The following COL12A1 variants were observed in gnomAD, a reference collection of about 807,000 sequenced individuals.
COL12A1 encodes collagen alpha-1(XII) chain.
Under a neutral mutation model 349.7 loss-of-function variants are expected in COL12A1, and 114 were observed. The observed-to-expected ratio is 0.33, with a 90% CI of 0.28 to 0.38. The LOEUF (loss-of-function observed/expected upper bound fraction) is 0.38. Among genes scored for constraint, COL12A1 ranks in the 10% least tolerant of loss-of-function variants. The pLI is 1.00. For missense variants in COL12A1, 3,284 were observed against 3,756.9 expected (o/e 0.87, Z 3.29); for synonymous variants, 1,369 against 1,329.0 (o/e 1.03, Z -0.66).
intron 39 of COL12A1, among the ~76,000 whole-genome samples, chr6:75,126,132 A>C (rs1339840031): frequency 6.6e-6 from 1 of 152,088 alleles, no homozygotes; most frequent in Admixed American, 6.6e-5. Flanking sequence ...CTTTTTAATC[A>C]TGACATTTAA....
At chr6:75,175,491 G>T (rs1414473300) in intron 12 of COL12A1, among the ~76,000 whole-genome samples, 181 bp from the exon 13 acceptor site, 4 of 152,184 alleles carry the variant, frequency 2.6e-5, no homozygotes, top group Non-Finnish European at 4.4e-5. Flanking sequence ...GACCCTATAT[G>T]TTAGTAGAAA....
chr6:75,108,432 A>T (rs1336382032), intron 52 of COL12A1, among the ~76,000 whole-genome samples: 1 of 152,076 alleles, frequency 6.6e-6, no homozygotes, highest in Non-Finnish European at 1.5e-5. Context: ...GTATGATGAC[A>T]ACTTTAGATT....
chr6:75,170,943 A>G (rs919751356), intron 13 of COL12A1, among the ~76,000 whole-genome samples: 7 of 152,244 alleles, frequency 4.6e-5, no homozygotes, highest in Admixed American at 1.3e-4. Flanking sequence ...ACTGAAACAA[A>G]GGAAATTCTA....
intron 60 of COL12A1, 55 bp from the exon 61 acceptor site, chr6:75,091,580 G>T: frequency 6.6e-7 from 1 of 1,508,194 alleles, no homozygotes; most frequent in Non-Finnish European, 9.2e-7. Context: ...CTAAAATGAT[G>T]CATGAATAGA....
chr6:75,176,756 C>T (rs1224913974), intron 12 of COL12A1, among the ~76,000 whole-genome samples: 1 of 152,142 alleles, frequency 6.6e-6, no homozygotes, highest in East Asian at 1.9e-4. Context: ...ATGAAAAGCT[C>T]TTTGTACAGA....
chr6:75,130,533 A>G (rs1326338633), intron 36 of COL12A1, among the ~76,000 whole-genome samples: 1 of 152,144 alleles, frequency 6.6e-6, no homozygotes, highest in Non-Finnish European at 1.5e-5. Flanking sequence ...AAACCCTCAC[A>G]TTTCCAAAGT....
intron 51 of COL12A1, among the ~76,000 whole-genome samples, chr6:75,110,952 G>C (rs1323565798): frequency 6.6e-6 from 1 of 151,930 alleles, no homozygotes; most frequent in Non-Finnish European, 1.5e-5. Flanking sequence ...GGGTCAATGG[G>C]ATGGGGGTAT....
chr6:75,086,373 G>C lies in COL12A1; in HGVS notation c.*174C>G. On this transcript the variant is annotated 3_prime_UTR_variant, in exon 66 of 66. Coordinates refer to ENST00000322507, the MANE Select transcript of COL12A1 (RefSeq NM_004370.6). ...ACACCACTGCTTTTGTCTCATTCAA[G>C]TTAGTAAAAAGAGTCTCCACCCTCC... is the stretch of plus-strand genomic sequence containing the variant. The C allele has an allele frequency of 2.7e-6, 1 of 365,906 alleles. No homozygotes were observed. The highest frequency in any genetic ancestry group is 5.3e-6 in the Non-Finnish European group (1 of 189,566). The allele number at this position is 365,906 out of a possible 1,614,324, so 22.7% of individuals were successfully genotyped here.
intron 2 of COL12A1, among the ~76,000 whole-genome samples, chr6:75,195,812 G>T (rs1463856254): frequency 6.6e-6 from 1 of 151,982 alleles, no homozygotes; most frequent in African/African-American, 2.4e-5. Flanking sequence ...ACAAAACAAT[G>T]GTTAATTATG....
At chr6:75,161,066 C>T (rs530569322) in intron 14 of COL12A1, among the ~76,000 whole-genome samples, 7 of 152,076 alleles carry the variant, frequency 4.6e-5, no homozygotes, top group Non-Finnish European at 1.0e-4. Flanking sequence ...AGAACCCCAT[C>T]CTAGGCACAC....
At position 75,128,372 on chromosome 6, in the gene COL12A1, G is replaced by A; in HGVS notation, c.6264C>T (p.Asp2088=). 1.2e-6 allele frequency: 2 copies of A among 1,610,580 alleles called. No homozygotes were observed. Among genetic ancestry groups the A allele is most frequent in the Non-Finnish European group, 1.7e-6 (2 of 1,178,266 alleles). Residue 2088 remains aspartate (D), a synonymous_variant, in exon 38 of 66, where the codon GAC becomes GAT. Coordinates refer to ENST00000322507, the MANE Select transcript of COL12A1 (RefSeq NM_004370.6). The part of the protein sequence containing the change: ...NNVILQPLQP[D]TPYKITVIAV... Reference sequence around the variant, plus strand: ...CAATAACAGTAATTTTATATGGAGTGTCAGGTTGCAGGGGCTGCAGTATTA... The same window carrying A: ...CAATAACAGTAATTTTATATGGAGTATCAGGTTGCAGGGGCTGCAGTATTA...
At position 75,123,315 on chromosome 6, in the gene COL12A1, T is replaced by A. The variant is rs1273800700; in HGVS notation, c.6946+15A>T. The A allele has an allele frequency of 6.2e-7, 1 of 1,605,710 alleles. No individual in the cohort carries two copies. The highest frequency in any genetic ancestry group is 8.5e-7 in the Non-Finnish European group (1 of 1,175,160). On this transcript the variant is annotated intron_variant, in intron 43 of 65. Coordinates refer to ENST00000322507, the MANE Select transcript of COL12A1 (RefSeq NM_004370.6). Reference sequence around the variant, plus strand: ...CCCTATCAGCTGAACGTATTGCCTATTTAGCTGTACTTACCATCCCGGGCT... The same window carrying A: ...CCCTATCAGCTGAACGTATTGCCTAATTAGCTGTACTTACCATCCCGGGCT...
intron 60 of COL12A1, among the ~76,000 whole-genome samples, chr6:75,092,320 T>G (rs1359540191): frequency 2.0e-5 from 3 of 152,088 alleles, no homozygotes; most frequent in Non-Finnish European, 4.4e-5. Context: ...ATTCTGCACA[T>G]GTACCCCAGA....
chr6:75,180,232 A>G (rs538062162), intron 11 of COL12A1, among the ~76,000 whole-genome samples: 6 of 152,356 alleles, frequency 3.9e-5, no homozygotes, highest in African/African-American at 1.4e-4. Flanking sequence ...GAGGACATTT[A>G]CTAAGTGAAA....
chr6:75,112,308 C>T (rs181533122), intron 51 of COL12A1, among the ~76,000 whole-genome samples: 78 of 151,884 alleles, frequency 5.1e-4, no homozygotes, highest in Non-Finnish European at 8.4e-4. Flanking sequence ...ATGATAAACC[C>T]CCATTACACG....
At chr6:75,118,927 G>T in intron 46 of COL12A1, 116 bp downstream of exon 46, 1 of 1,379,734 alleles carries the variant, frequency 7.2e-7, no homozygotes, top group Non-Finnish European at 1.0e-6. Context: ...GGTATACCGT[G>T]CAGAGTGAAA....
intron 47 of COL12A1, 127 bp downstream of exon 47, chr6:75,117,255 G>A (rs2149363273): frequency 1.1e-6 from 1 of 890,950 alleles, no homozygotes; most frequent in East Asian, 2.6e-5. Flanking sequence ...GATTCATCAG[G>A]TTCTCAAGTG....
Position 75,186,837 on chromosome 6 carries a change from G to A in COL12A1, c.997+1525C>T, listed in dbSNP as rs537970577. Among the ~76,000 whole-genome samples, 12 of 152,128 alleles carry A rather than the reference G, an allele frequency of 7.9e-5. No individual in the cohort carries two copies. In the South Asian group the frequency reaches 2.3e-3, roughly 29 times the overall value. On this transcript the variant is annotated intron_variant, in intron 8 of 65. Transcript: ENST00000322507. ...TTGCAGGGACAATGATAGAGCTAGA[G>A]GCCATTATCCTTAGCAAACTAACAC...
Position 75,085,069 on chromosome 6 carries a change from C to T in COL12A1, c.*1478G>A. 2.8e-6 allele frequency: 1 copy of T among 351,478 alleles called. No homozygotes were observed. The highest frequency in any genetic ancestry group is 5.7e-6 in the Non-Finnish European group (1 of 175,110). The allele number at this position is 351,478 out of a possible 1,614,324, so 21.8% of individuals were successfully genotyped here. A position where few individuals can be genotyped will look rare whatever the true frequency, so the allele number is the denominator to read the frequency against. On this transcript the variant is annotated 3_prime_UTR_variant, in exon 66 of 66. Coordinates refer to ENST00000322507, the MANE Select transcript of COL12A1 (RefSeq NM_004370.6). ...AGGTTCTCTACAATCAGAAAGGGTACTCCTGGATGAGCAACGCTGGAAGAA... is the reference window on the plus strand; with the variant it reads ...AGGTTCTCTACAATCAGAAAGGGTATTCCTGGATGAGCAACGCTGGAAGAA...
Sources: allele counts gnomAD v4.1 joint callset (sites outside exome capture counted in the v4.1 genomes callset), GRCh38; gene constraint gnomAD v4.1.1; transcripts MANE v1.5; gene names NCBI Gene and HGNC (gene_info 2026-07-23, HGNC 2026-07-21).